Variants in COL27A1 observed in about 807,000 individuals in gnomAD.
The protein encoded by COL27A1 is collagen alpha-1(XXVII) chain.
In COL27A1, 106 loss-of-function variants were observed where a neutral mutation model predicts 251.3. The ratio of observed to expected loss-of-function variants is 0.42; its 90% CI spans 0.36 to 0.50. COL27A1 has a LOEUF of 0.50. Ranked by LOEUF, COL27A1 falls within the 20% of genes least tolerant of loss-of-function variation. The pLI is 0.00. For missense variants in COL27A1, 2,325 were observed against 2,522.8 expected, an observed-to-expected ratio of 0.92 and a Z score of 1.68; for synonymous variants, 1,000 against 986.3, an observed-to-expected ratio of 1.01 and a Z score of -0.26.
Position 114,242,204 on chromosome 9 carries a change from G to T in COL27A1, c.2853G>T (p.Met951Ile), listed in dbSNP as rs1588743198. Residue 951 changes from methionine (M) to isoleucine (I), a missense_variant, in exon 22 of 61, where the codon ATG (methionine) becomes ATT (isoleucine). By Grantham distance (10) the Met-to-Ile change is conservative. Around this residue, in one of 4 missense-constraint regions of COL27A1, gnomAD observed 662 missense variants for 795.3 expected, o/e 0.83. Transcript: ENST00000356083. ...AATTCTAGGGAGATGAGGGACCCAT[G>T]GGGCCGCCAGGGGCCCCTGGCTTGG... ...QLGPEGDEGP[M>I]GPPGAPGLEG... 1 of 1,608,428 alleles carries T rather than the reference G, an allele frequency of 6.2e-7. No individual in the cohort carries two copies. The highest frequency in any genetic ancestry group is 8.5e-7 in the Non-Finnish European group (1 of 1,178,154).
At chr9:114,266,670 G>A (rs779014724) in intron 33 of COL27A1, 52 bp downstream of exon 33, 15 of 1,512,316 alleles carry the variant, frequency 9.9e-6, no homozygotes, top group Non-Finnish European at 1.3e-5. Flanking sequence ...GGATGTATCA[G>A]CCCTTCCCTT....
At chr9:114,191,535 C>T (rs375261600) in intron 5 of COL27A1, among the ~76,000 whole-genome samples, 1 of 152,176 alleles carries the variant, frequency 6.6e-6, no homozygotes, top group African/African-American at 2.4e-5. Flanking sequence ...GTTTTCTGTT[C>T]CTGCATTAGT....
intron 49 of COL27A1, among the ~76,000 whole-genome samples, chr9:114,299,176 T>C (rs940449903): frequency 6.6e-6 from 1 of 152,224 alleles, no homozygotes; most frequent in Admixed American, 6.5e-5. Flanking sequence ...CTGCCTGGTC[T>C]CATTGCATCC....
rs1224456620 is a variant in COL27A1, at chr9:114,240,244, C to T, written c.2752C>T (p.Pro918Ser). 6.2e-7 allele frequency: 1 copy of T among 1,608,134 alleles called. No homozygotes were observed. Residue 918 changes from proline to serine, a missense_variant, in exon 20 of 61, where the codon CCT (proline) becomes TCT (serine). Pro to Ser is a moderately conservative substitution (Grantham distance 74). Coordinates refer to ENST00000356083, the MANE Select transcript of COL27A1 (RefSeq NM_032888.4). ...GGGATTCCCAGGAGACATCGGCCCCCCTGGCGACAATGGCCCAGAAGGCAT... is the reference window on the plus strand; with the variant it reads ...GGGATTCCCAGGAGACATCGGCCCCTCTGGCGACAATGGCCCAGAAGGCAT... ...PEGFPGDIGP[P>S]GDNGPEGMKG...
intron 7 of COL27A1, among the ~76,000 whole-genome samples, chr9:114,204,008 T>C (rs945718387): frequency 6.6e-6 from 1 of 152,088 alleles, no homozygotes; most frequent in African/African-American, 2.4e-5. Context: ...ATTATGCACG[T>C]AGTCCTGGGT....
rs532200840 is a variant in COL27A1, at chr9:114,167,652, C to A, written c.134-37C>A. ...GGGGGTGGGGTGGGCTGGAGCAGGC[C>A]CTGACTGCGTCCTCTCCCCTTTTCC... On this transcript the variant is annotated intron_variant, in intron 2 of 60. Coordinates refer to ENST00000356083, the MANE Select transcript of COL27A1 (RefSeq NM_032888.4). 2.2e-4 allele frequency: 350 copies of A among 1,558,752 alleles called. 1 individual carries two copies. Among genetic ancestry groups the A allele is most frequent in the Non-Finnish European group, 2.9e-4 (336 of 1,144,800 alleles).
intron 5 of COL27A1, among the ~76,000 whole-genome samples, chr9:114,189,024 A>G (rs1028858867): frequency 1.3e-5 from 2 of 152,180 alleles, no homozygotes; most frequent in Non-Finnish European, 2.9e-5. Context: ...TGATTTTCAC[A>G]AATAGAAATG....
intron 50 of COL27A1, 182 bp from the exon 51 acceptor site, chr9:114,300,443 C>T (rs1828536808): frequency 3.5e-6 from 2 of 578,788 alleles, no homozygotes; most frequent in Admixed American, 6.5e-5. Flanking sequence ...AGCACTGAGC[C>T]AACACACTGC....
intron 12 of COL27A1, among the ~76,000 whole-genome samples, chr9:114,217,071 G>T (rs12553755): frequency 0.36 from 54,538 of 152,042 alleles, 12,068 homozygotes; most frequent in Admixed American, 0.5. Flanking sequence ...TCTCAAAAAT[G>T]CAGCCAATAA....
chr9:114,155,927 G>C lies in COL27A1; in HGVS notation c.-24G>C, dbSNP rs750422997. On this transcript the variant is annotated 5_prime_UTR_variant, in exon 1 of 61. Transcript: ENST00000356083. This position sits in a 1 kb window ranked among gnomAD's most constrained non-coding sequence, Gnocchi z 5.5. Reference sequence around the variant, plus strand: ...GCGCCCACACTTGCCCCCCGGGCTCGGGAGCATGAAGTAGGGGCCTGCCAT... The same window carrying C: ...GCGCCCACACTTGCCCCCCGGGCTCCGGAGCATGAAGTAGGGGCCTGCCAT... 3.2e-6 allele frequency: 4 copies of C among 1,238,974 alleles called. No homozygotes were observed. Among genetic ancestry groups the C allele is most frequent in the Non-Finnish European group, 2.0e-6 (2 of 987,824 alleles). The allele number at this position is 1,238,974 out of a possible 1,614,324, so 76.7% of individuals were successfully genotyped here. A position where few individuals can be genotyped will look rare whatever the true frequency, so the allele number is the denominator to read the frequency against.
intron 17 of COL27A1, 46 bp downstream of exon 17, chr9:114,235,698 T>G: frequency 6.8e-7 from 1 of 1,474,254 alleles, no homozygotes; most frequent in Non-Finnish European, 9.5e-7. Flanking sequence ...GCCCCTGCCC[T>G]GCTGTTCCCC....
At chr9:114,212,716 G>A (rs1052671991) in intron 12 of COL27A1, among the ~76,000 whole-genome samples, 2 of 151,802 alleles carry the variant, frequency 1.3e-5, no homozygotes, top group South Asian at 2.1e-4. Flanking sequence ...TTTCTCTTCC[G>A]AGAAATGGGG....
Position 114,300,107 on chromosome 9 carries a change from G to A in COL27A1, c.4622G>A (p.Gly1541Asp). The change falls in exon 50 of 61, where the codon GGT (glycine) becomes GAT (aspartate). Residue 1541 changes from glycine to aspartate, a missense_variant. Gly to Asp is a moderately conservative substitution (Grantham distance 94). Around this residue, in one of 4 missense-constraint regions of COL27A1, gnomAD observed 327 missense variants for 442.8 expected, o/e 0.74. Coordinates refer to ENST00000356083, the MANE Select transcript of COL27A1 (RefSeq NM_032888.4). Reference protein sequence around the residue: ...SGEMGFPGMAGLFGPKGPPGD... With the variant: ...SGEMGFPGMADLFGPKGPPGD... ...GAGATGGGCTTCCCAGGAATGGCAG[G>A]TCTCTTCGGACCCAAGGTATGGACT... is the stretch of plus-strand genomic sequence containing the variant. 1 of 1,614,138 alleles carries A rather than the reference G, an allele frequency of 6.2e-7. No homozygotes were observed. Among genetic ancestry groups the A allele is most frequent in the Non-Finnish European group, 8.5e-7 (1 of 1,179,992 alleles).
At chr9:114,272,423 C>T (rs1395562342) in intron 36 of COL27A1, 1 of 152,284 alleles carries the variant, frequency 6.6e-6, no homozygotes, top group Non-Finnish European at 1.5e-5. Flanking sequence ...AAAGCCAATT[C>T]TACCTGAGTC....
At chr9:114,232,632 C>T (rs1430913739) in intron 16 of COL27A1, among the ~76,000 whole-genome samples, 2 of 152,214 alleles carry the variant, frequency 1.3e-5, no homozygotes, top group Admixed American at 6.5e-5. Flanking sequence ...TCAGCCAGCC[C>T]CTCATGTGGT....
intron 49 of COL27A1, among the ~76,000 whole-genome samples, chr9:114,296,465 T>C (rs760398987): frequency 6.6e-6 from 1 of 152,240 alleles, no homozygotes; most frequent in Non-Finnish European, 1.5e-5. Flanking sequence ...TTAATATCAT[T>C]AGTCATTAGA....
At chr9:114,198,292 G>A (rs1276445593) in intron 7 of COL27A1, among the ~76,000 whole-genome samples, 2 of 152,330 alleles carry the variant, frequency 1.3e-5, no homozygotes, top group East Asian at 3.9e-4. Context: ...TTGTGGGGGT[G>A]TGGGGAGACA....
Position 114,184,184 on chromosome 9 carries a change from C to T in COL27A1, c.2016+1109C>T, listed in dbSNP as rs528290400. Among the ~76,000 whole-genome samples, 11 of 152,320 alleles carry T rather than the reference C, an allele frequency of 7.2e-5. No individual in the cohort carries two copies. In the South Asian group the frequency reaches 1.7e-3, roughly 23 times the overall value. ...TCAGCCTGTGTCATCTGTGGGGTAA[C>T]CAGGTGAAGAGCACCCCCGTGCTTT... On this transcript the variant is annotated intron_variant, in intron 5 of 60. Transcript: ENST00000356083.
chr9:114,268,135 T>G (rs988937043), intron 34 of COL27A1, among the ~76,000 whole-genome samples: 1 of 152,220 alleles, frequency 6.6e-6, no homozygotes, highest in Non-Finnish European at 1.5e-5. Flanking sequence ...CCAAAATCCC[T>G]TGCTCAAACA....
Sources: allele counts gnomAD v4.1 joint callset (sites outside exome capture counted in the v4.1 genomes callset), GRCh38; gene constraint gnomAD v4.1.1; regional missense constraint gnomAD v4.1.1; non-coding constraint Gnocchi (gnomAD v3.1); transcripts MANE v1.5; gene names NCBI Gene and HGNC (gene_info 2026-07-23, HGNC 2026-07-21).